The following MYO15A variants were observed in gnomAD, a reference collection of about 807,000 sequenced individuals.
MYO15A encodes unconventional myosin-XV.
In MYO15A, 308 loss-of-function variants were observed where a neutral mutation model predicts 394.6. The observed-to-expected ratio is 0.78, with a 90% CI of 0.71 to 0.86. The LOEUF (loss-of-function observed/expected upper bound fraction) is 0.86, where lower values mean the gene tolerates loss of function less well. Among genes scored for constraint, MYO15A ranks in the 40% least tolerant of loss-of-function variants. The pLI, the probability that MYO15A is intolerant of heterozygous loss-of-function variation, is 0.00. For missense variants in MYO15A, 4,606 were observed against 4,799.1 expected (o/e 0.96, Z 1.19); for synonymous variants, 1,957 against 2,003.8 (o/e 0.98, Z 0.62).
intron 45 of MYO15A, 24 bp from the exon 46 acceptor site, chr17:18,155,086 C>A (rs1212508197): frequency 6.2e-7 from 1 of 1,603,752 alleles, no homozygotes; most frequent in Admixed American, 1.7e-5. Context: ...GGAGAGGGTC[C>A]TGACCAGACC....
At chr17:18,163,479 A>G (rs1277610723) in intron 59 of MYO15A, among the ~76,000 whole-genome samples, 158 bp downstream of exon 59, 1 of 152,232 alleles carries the variant, frequency 6.6e-6, no homozygotes, top group African/African-American at 2.4e-5. Context: ...CAGAAGAGCA[A>G]ACTGCACCTC....
At chr17:18,161,244 T>C (rs1228620209) in intron 56 of MYO15A, 73 bp from the exon 57 acceptor site, 2 of 1,575,116 alleles carry the variant, frequency 1.3e-6, no homozygotes. Flanking sequence ...CTGTCTCAGC[T>C]CAATCCCAGG....
rs573924052 is a variant in MYO15A, at chr17:18,144,426, C to T, written c.6178-71C>T. ...TCATAGGCCTTGGAGCCCCATGTGG[C>T]ACAGAGCAGTGGGTCCAGATGTGCC... On this transcript the variant is annotated intron_variant, in intron 28 of 65. Transcript: ENST00000647165. 4 of 1,373,290 alleles carry T rather than the reference C, an allele frequency of 2.9e-6. No homozygotes were observed. The Admixed American group carries it at 6.8e-5, about 23-fold the overall frequency. The allele number at this position is 1,373,290 out of a possible 1,614,324, so 85.1% of individuals were successfully genotyped here.
chr17:18,179,146 G>T lies in MYO15A; in HGVS notation c.*276G>T, dbSNP rs1251941588. The T allele has an allele frequency of 9.2e-6, 5 of 543,276 alleles. No individual in the cohort carries two copies. The African/African-American group carries it at 9.5e-5, about 10-fold the overall frequency. 33.7% of individuals were successfully genotyped at this position (543,276 alleles called of 1,614,324 possible). A position where few individuals can be genotyped will look rare whatever the true frequency, so the allele number is the denominator to read the frequency against. On this transcript the variant is annotated 3_prime_UTR_variant, in exon 66 of 66. Coordinates refer to ENST00000647165, the MANE Select transcript of MYO15A (RefSeq NM_016239.4). Reference sequence around the variant, plus strand: ...GTGGAGCAGAAGGCAGGACCATGAGGCCTCCTGCCATGTACCCATTGCAGA... The same window carrying T: ...GTGGAGCAGAAGGCAGGACCATGAGTCCTCCTGCCATGTACCCATTGCAGA...
At position 18,152,107 on chromosome 17, in the gene MYO15A, G is replaced by T. The variant is rs1304446547; in HGVS notation, c.7894-5G>T. ...CCCCTGAGCAGTCTCTTTGGGGTGG[G>T]ACAGGTGTCCAGAGAGGCCGTGGCC... On this transcript the variant is annotated splice_polypyrimidine_tract_variant and splice_region_variant and intron_variant, in intron 41 of 65. Transcript: ENST00000647165. The T allele has an allele frequency of 2.6e-6, 4 of 1,551,498 alleles. No individual in the cohort carries two copies. The highest frequency in any genetic ancestry group is 3.5e-6 in the Non-Finnish European group (4 of 1,147,092).
intron 25 of MYO15A, 87 bp from the exon 26 acceptor site, chr17:18,143,479 C>T (rs2046418222): frequency 5.4e-6 from 8 of 1,468,960 alleles, no homozygotes; most frequent in East Asian, 2.5e-5. Context: ...TGAGTGTGGC[C>T]GCCTTGCGTA....
At chr17:18,159,503 C>G in intron 54 of MYO15A, 103 bp from the exon 55 acceptor site, 1 of 1,497,754 alleles carries the variant, frequency 6.7e-7, no homozygotes. Flanking sequence ...TCCCAGCTGC[C>G]TGTGGCCAAG....
In MYO15A at chr17:18,163,226, C is replaced by T. The variant is rs759690672; in HGVS notation, c.9613-18C>T. 1.2e-6 allele frequency: 2 copies of T among 1,613,418 alleles called. No individual in the cohort carries two copies. The highest frequency in any genetic ancestry group is 1.3e-5 in the African/African-American group (1 of 74,916). ...CTAGGACCCAACCTGTCATCCCTCT[C>T]CCACCTATCTACCCCAGGCAGGCCG... On this transcript the variant is annotated intron_variant, in intron 58 of 65. Coordinates refer to ENST00000647165, the MANE Select transcript of MYO15A (RefSeq NM_016239.4).
intron 19 of MYO15A, 92 bp from the exon 20 acceptor site, chr17:18,140,424 CT>C (rs2046356615): frequency 4.5e-6 from 7 of 1,558,056 alleles, no homozygotes; most frequent in Non-Finnish European, 6.1e-6. Flanking sequence ...TCAGATCCCC[CT>C]GGTCCGGAGA....
At position 18,142,796 on chromosome 17, in the gene MYO15A, C is replaced by T. The variant is rs185873402; in HGVS notation, c.5866C>T (p.Arg1956Trp). The change falls in exon 25 of 66, where the codon CGG (arginine) becomes TGG (tryptophan). Residue 1956 changes from arginine (R) to tryptophan (W), a missense_variant. This residue lies in a region of MYO15A where 2,776 missense variants were observed against 3,109.3 expected (regional missense o/e 0.89). Transcript: ENST00000647165. Reference protein sequence around the residue: ...QQMRRSLVKFRSLVHAYVSRR... With the variant: ...QQMRRSLVKFWSLVHAYVSRR... ...GATGAGGAGGAGTCTGGTGAAGTTC[C>T]GGTCCCTGGTACACGCATACGTGAG... 5.8e-4 allele frequency: 933 copies of T among 1,613,652 alleles called. 1 individual carries two copies. Among genetic ancestry groups the T allele is most frequent in the Non-Finnish European group, 7.6e-4 (892 of 1,179,910 alleles).
In MYO15A at chr17:18,151,169, C is replaced by G; in HGVS notation, c.7533C>G (p.Pro2511=). 6.2e-7 allele frequency: 1 copy of G among 1,614,036 alleles called. No individual in the cohort carries two copies. Among genetic ancestry groups the G allele is most frequent in the Non-Finnish European group, 8.5e-7 (1 of 1,180,024 alleles). The change falls in exon 39 of 66, where the codon CCC becomes CCG. Residue 2511 remains proline, a synonymous_variant. Coordinates refer to ENST00000647165, the MANE Select transcript of MYO15A (RefSeq NM_016239.4). ...TSVGTGPPAK[P]VLLRATPKPL... is the part of the protein sequence containing the mutation. ...TAGGCACCGGTCCCCCTGCCAAACC[C>G]GTGCTCCTGCGTGCCACTCCAAAGC... is the stretch of plus-strand genomic sequence containing the variant.
At chr17:18,129,481 T>C (rs115682547) in intron 7 of MYO15A, among the ~76,000 whole-genome samples, 1,805 of 152,310 alleles carry the variant, frequency 0.012, 38 homozygotes, top group African/African-American at 0.042. Flanking sequence ...GGGTGCAGTA[T>C]TTCCTGGACT....
intron 56 of MYO15A, 85 bp downstream of exon 56, chr17:18,160,102 C>G: frequency 4.8e-6 from 6 of 1,262,776 alleles, no homozygotes; most frequent in Non-Finnish European, 4.5e-6. Flanking sequence ...CCTCCTCAGG[C>G]CTGACCCCTC....
Position 18,143,728 on chromosome 17 carries a change from G to A in MYO15A, c.5978G>A (p.Arg1993Gln), listed in dbSNP as rs117071200. Residue 1993 changes from arginine (R) to glutamine (Q), a missense_variant, in exon 27 of 66, where the codon CGG (arginine) becomes CAG (glutamine). Around this residue, in one of 2 missense-constraint regions of MYO15A, gnomAD observed 2,776 missense variants for 3,109.3 expected, o/e 0.89. Coordinates refer to ENST00000647165, the MANE Select transcript of MYO15A (RefSeq NM_016239.4). Reference protein sequence around the residue: ...LLWEQEELSKREVVAVGHLEV... With the variant: ...LLWEQEELSKQEVVAVGHLEV... ...CTGTCCCTCTAGGAGCTGAGCAAGC[G>A]GGAGGTAGTCGCTGTGGGGCACCTG... The A allele has an allele frequency of 1.7e-4, 279 of 1,597,846 alleles. 1 individual carries two copies. The highest frequency in any genetic ancestry group is 1.7e-3 in the East Asian group (76 of 43,944).
chr17:18,136,688 T>C lies in MYO15A; in HGVS notation c.4779+2T>C. 6.3e-7 allele frequency: 1 copy of C among 1,599,852 alleles called. No individual in the cohort carries two copies. The highest frequency in any genetic ancestry group is 2.2e-5 in the East Asian group (1 of 44,470). ...ATCCTGGACATCTATGGTTTCGAGG[T>C]GGGGCCGTGTAGGAGGCTGAGGGGC... On this transcript the variant is annotated splice_donor_variant, in intron 15 of 65. Transcript: ENST00000647165. LOFTEE classifies it high-confidence loss of function.
intron 1 of MYO15A, 89 bp downstream of exon 1, chr17:18,108,913 A>G (rs913987951): frequency 5.9e-5 from 9 of 152,742 alleles, no homozygotes; most frequent in Admixed American, 4.6e-4. Context: ...AAGGGGCAGC[A>G]GCAGAGCTGG....
At position 18,131,544 on chromosome 17, in the gene MYO15A, C is replaced by T. The variant is rs141183007; in HGVS notation, c.4206+13C>T. On this transcript the variant is annotated intron_variant, in intron 10 of 65. Coordinates refer to ENST00000647165, the MANE Select transcript of MYO15A (RefSeq NM_016239.4). ...GATCGTGTTTCAGGTGGGCCACCCC[C>T]TCCCAGGCCTCTGTGTTGGGCAGGG... 6.2e-7 allele frequency: 1 copy of T among 1,613,834 alleles called. No homozygotes were observed. The highest frequency in any genetic ancestry group is 8.5e-7 in the Non-Finnish European group (1 of 1,179,854).
intron 17 of MYO15A, 36 bp downstream of exon 17, chr17:18,138,282 A>C (rs2046316743): frequency 6.2e-7 from 1 of 1,606,224 alleles, no homozygotes; most frequent in South Asian, 1.1e-5. Flanking sequence ...TAGTCAGGTC[A>C]CAGATCTCTC....
At chr17:18,141,980 G>T in intron 23 of MYO15A, 99 bp from the exon 24 acceptor site, 1 of 1,476,412 alleles carries the variant, frequency 6.8e-7, no homozygotes, top group Non-Finnish European at 9.4e-7. Flanking sequence ...CCAGGAGGCT[G>T]CCCTGCCTAT....
Sources: gnomAD v4.1 joint callset for allele counts (sites outside exome capture counted in the v4.1 genomes callset) on GRCh38, gnomAD v4.1.1 for gene constraint, gnomAD v4.1.1 regional missense constraint, MANE v1.5 for transcripts, NCBI Gene and HGNC (gene_info 2026-07-23, HGNC 2026-07-21) for gene names.